SLC38A1: variants seen among roughly 807,000 people sequenced by gnomAD.
SLC38A1 encodes sodium-coupled neutral amino acid symporter 1.
A neutral mutation model predicts 60.3 loss-of-function variants in SLC38A1; 18 were observed. The observed-to-expected ratio is 0.30, with a 90% CI of 0.21 to 0.44. SLC38A1 has a LOEUF of 0.44. SLC38A1 is among the 20% of genes least tolerant of loss of function. The probability of loss-of-function intolerance (pLI) is 1.00; values close to 1 mark genes in which losing one functional copy is unlikely to be tolerated. For synonymous variants in SLC38A1, 196 were observed against 212.1 expected (o/e 0.92, Z 0.66); for missense variants, 448 against 587.2 (o/e 0.76, Z 2.45).
At chr12:46,212,457 T>C (rs1940217541) in intron 5 of SLC38A1, among the ~76,000 whole-genome samples, 4 of 152,196 alleles carry the variant, frequency 2.6e-5, no homozygotes, top group South Asian at 4.1e-4. Context: ...CAATTGATAA[T>C]AGGGCTGCCA....
chr12:46,228,133 G>A (rs530486754), intron 5 of SLC38A1, among the ~76,000 whole-genome samples: 146 of 152,242 alleles, frequency 9.6e-4, no homozygotes, highest in Non-Finnish European at 1.4e-3. Context: ...ACAATGTATC[G>A]AATTCACCAT....
Position 46,204,281 on chromosome 12 carries a change from C to A in SLC38A1, c.822+20G>T. ...TTAATAAAAATGCTTGTTTCATCTG[C>A]AAAGGATCAGGAAACTTACCTTTGA... is the stretch of plus-strand genomic sequence containing the variant. On this transcript the variant is annotated intron_variant, in intron 11 of 16. Coordinates refer to ENST00000398637, the MANE Select transcript of SLC38A1 (RefSeq NM_030674.4). 9 of 1,458,194 alleles carry A rather than the reference C, an allele frequency of 6.2e-6. No individual in the cohort carries two copies. The highest frequency in any genetic ancestry group is 7.7e-6 in the Non-Finnish European group (8 of 1,038,450). The allele number at this position is 1,458,194 out of a possible 1,614,324, so 90.3% of individuals were successfully genotyped here.
At chr12:46,201,002 C>T (rs1939632060) in intron 13 of SLC38A1, 96 bp downstream of exon 13, 4 of 877,718 alleles carry the variant, frequency 4.6e-6, no homozygotes, top group South Asian at 3.1e-5. Flanking sequence ...AGCTTTGTTG[C>T]TTTCTTTGCC....
At chr12:46,248,437 GA>G (rs1438163354) in intron 1 of SLC38A1, among the ~76,000 whole-genome samples, 1 of 152,132 alleles carries the variant, frequency 6.6e-6, no homozygotes, top group Non-Finnish European at 1.5e-5. Context: ...AAGAGACAAA[GA>G]AGGCCATAAT....
At position 46,197,923 on chromosome 12, in the gene SLC38A1, G is replaced by A. The variant is rs1210884448; in HGVS notation, c.1260C>T (p.Val420=). ...FIPSMKDIFG[V]VGVTSANMLI... ...CACAAAGTCATGAAGCCATACCTAC[G>A]ACTCCAAAAATATCCTTCATGGAGG... The change falls in exon 15 of 17, where the codon GTC becomes GTT. Residue 420 remains valine, a synonymous_variant. Coordinates refer to ENST00000398637, the MANE Select transcript of SLC38A1 (RefSeq NM_030674.4). The A allele has an allele frequency of 6.8e-6, 11 of 1,613,882 alleles. No individual in the cohort carries two copies. Among genetic ancestry groups the A allele is most frequent in the South Asian group, 1.1e-5 (1 of 91,046 alleles).
Position 46,209,054 on chromosome 12 carries a change from C to A in SLC38A1, c.388G>T (p.Gly130Cys). 1 of 1,605,392 alleles carries A rather than the reference C, an allele frequency of 6.2e-7. No individual in the cohort carries two copies. Among genetic ancestry groups the A allele is most frequent in the Non-Finnish European group, 8.5e-7 (1 of 1,174,926 alleles). ...NLLLICSKET[G>C]CMVYEKLGEQ... ...AAAATCAAACACGTCCTCAGCTTAC[C>A]TGTTTCTTTTGAACAGATCAATAGG... is the stretch of plus-strand genomic sequence containing the variant. Residue 130 changes from glycine (G) to cysteine (C), a missense_variant and splice_region_variant, in exon 6 of 17, where the codon GGC (glycine) becomes TGC (cysteine). Gly to Cys is a radical substitution (Grantham distance 159). Transcript: ENST00000398637.
At chr12:46,238,772 C>A (rs977620686) in intron 3 of SLC38A1, among the ~76,000 whole-genome samples, 2 of 152,236 alleles carry the variant, frequency 1.3e-5, no homozygotes, top group Non-Finnish European at 2.9e-5. Context: ...TCCAGGCCAG[C>A]ACTCTTCCTA....
intron 4 of SLC38A1, 143 bp downstream of exon 4, chr12:46,229,421 C>G: frequency 1.2e-6 from 1 of 813,818 alleles, no homozygotes; most frequent in Non-Finnish European, 2.0e-6. Flanking sequence ...GAATGGATTT[C>G]AAGAGAAAAT....
intron 3 of SLC38A1, among the ~76,000 whole-genome samples, chr12:46,233,301 G>A (rs1051759715): frequency 6.6e-6 from 1 of 152,174 alleles, no homozygotes; most frequent in East Asian, 1.9e-4. Context: ...TGGGATTACA[G>A]GTGTGAGCCA....
intron 1 of SLC38A1, among the ~76,000 whole-genome samples, chr12:46,254,377 T>C (rs1339176882): frequency 6.6e-6 from 1 of 152,244 alleles, no homozygotes; most frequent in Non-Finnish European, 1.5e-5. Flanking sequence ...TCCCATTTTT[T>C]ACTAAAGACA....
rs1281684569 is a variant in SLC38A1 at position 46,183,108 on chromosome 12, A to G, written c.*5862T>C. Reference sequence around the variant, plus strand: ...TAATGTTTAAAAACTATGTTAACAGAGCAGTTATAGAACAGAACTTCTTAT... The same window carrying G: ...TAATGTTTAAAAACTATGTTAACAGGGCAGTTATAGAACAGAACTTCTTAT... On this transcript the variant is annotated 3_prime_UTR_variant, in exon 17 of 17. Coordinates refer to ENST00000398637, the MANE Select transcript of SLC38A1 (RefSeq NM_030674.4). 6.6e-6 allele frequency: 1 copy of G among 152,582 alleles called. No individual in the cohort carries two copies. Among genetic ancestry groups the G allele is most frequent in the Non-Finnish European group, 1.5e-5 (1 of 68,032 alleles). 9.5% of individuals were successfully genotyped at this position (152,582 alleles called of 1,614,324 possible).
chr12:46,246,431 C>T (rs1332207833), intron 1 of SLC38A1, among the ~76,000 whole-genome samples: 2 of 152,248 alleles, frequency 1.3e-5, no homozygotes, highest in African/African-American at 4.8e-5. Context: ...GATTGACTTG[C>T]CAGGCAGCAA....
intron 13 of SLC38A1, among the ~76,000 whole-genome samples, chr12:46,200,679 T>C (rs1219607760): frequency 6.6e-6 from 1 of 152,198 alleles, no homozygotes. Flanking sequence ...AGTTTCATTT[T>C]TAATTAACTC....
chr12:46,239,602 C>T (rs1415780054), intron 3 of SLC38A1, 77 bp downstream of exon 3: 1 of 1,556,600 alleles, frequency 6.4e-7, no homozygotes, highest in South Asian at 1.1e-5. Context: ...CTCGGCCTCC[C>T]AAAGTGATGG....
Position 46,238,248 on chromosome 12 carries a change from G to T in SLC38A1, c.122+1431C>A, listed in dbSNP as rs1281822713. Among the ~76,000 whole-genome samples the T allele has an allele frequency of 3.4e-5, 5 of 148,740 alleles. 1 individual carries two copies. The highest frequency in any genetic ancestry group is 1.3e-4 in the African/African-American group (5 of 38,250). ...TAAGTACACTTGAGCCCCATAGTAA[G>T]AAACATCACCTAGCACAGTTGACCG... is the stretch of plus-strand genomic sequence containing the variant. On this transcript the variant is annotated intron_variant, in intron 3 of 16. Coordinates refer to ENST00000398637, the MANE Select transcript of SLC38A1 (RefSeq NM_030674.4).
chr12:46,237,128 A>C (rs562435044), intron 3 of SLC38A1, among the ~76,000 whole-genome samples: 1 of 152,368 alleles, frequency 6.6e-6, no homozygotes, highest in African/African-American at 2.4e-5. Flanking sequence ...TATCAGCTAG[A>C]TGCCAAGTAA....
At chr12:46,266,251 G>C (rs1249438580) in intron 1 of SLC38A1, among the ~76,000 whole-genome samples, 1 of 152,154 alleles carries the variant, frequency 6.6e-6, no homozygotes, top group Non-Finnish European at 1.5e-5. Flanking sequence ...GCATCACCCA[G>C]AGTAAAGAAA....
At position 46,201,214 on chromosome 12, in the gene SLC38A1, T is replaced by C; in HGVS notation, c.903-16A>G. ...CTGTGATCGGCTAAAAACAAATAAA[T>C]GTTAAAAATTAAAAATCATATGACT... On this transcript the variant is annotated splice_polypyrimidine_tract_variant and intron_variant, in intron 12 of 16. Coordinates refer to ENST00000398637, the MANE Select transcript of SLC38A1 (RefSeq NM_030674.4). The C allele has an allele frequency of 1.9e-6, 3 of 1,591,314 alleles. No individual in the cohort carries two copies. Among genetic ancestry groups the C allele is most frequent in the Non-Finnish European group, 2.6e-6 (3 of 1,163,102 alleles).
At chr12:46,216,602 G>A (rs1293699648) in intron 5 of SLC38A1, among the ~76,000 whole-genome samples, 1 of 152,156 alleles carries the variant, frequency 6.6e-6, no homozygotes, top group African/African-American at 2.4e-5. Context: ...TGTAATCCCA[G>A]CACTTTGGGA....
Sources: gnomAD v4.1 joint callset for allele counts (sites outside exome capture counted in the v4.1 genomes callset) on GRCh38, gnomAD v4.1.1 for gene constraint, MANE v1.5 for transcripts, NCBI Gene and HGNC (gene_info 2026-07-23, HGNC 2026-07-21) for gene names.